APOBEC3F: variants seen among roughly 807,000 people sequenced by gnomAD.
APOBEC3F encodes the protein apolipoprotein B mRNA editing enzyme catalytic subunit 3F, also known as DNA dC->dU-editing enzyme APOBEC-3F.
Under a neutral mutation model 45.8 loss-of-function variants are expected in APOBEC3F, and 34 were observed. The ratio of observed to expected loss-of-function variants is 0.74; its 90% CI spans 0.57 to 0.99. The LOEUF (loss-of-function observed/expected upper bound fraction) is 0.99, where lower values mean the gene tolerates loss of function less well. APOBEC3F is among the 50% of genes least tolerant of loss of function. APOBEC3F has a pLI of 0.00. For missense variants in APOBEC3F, 459 were observed against 474.1 expected (o/e 0.97, Z 0.30); for synonymous variants, 192 against 174.4 (o/e 1.10, Z -0.80).
At position 39,045,000 on chromosome 22, in the gene APOBEC3F, C is replaced by A. The variant is rs139293827; in HGVS notation, c.231C>A (p.Asn77Lys). The stretch of plus-strand genomic sequence containing the variant: ...GCTTCCTCTCTTGGTTCTGTGGCAA[C>A]CAGCTGCCTGCTTACAAGTGTTTCC... ...EMCFLSWFCGNQLPAYKCFQI... is the reference protein window; with the variant it reads ...EMCFLSWFCGKQLPAYKCFQI... The change falls in exon 3 of 7, where the codon AAC (asparagine) becomes AAA (lysine). Residue 77 changes from asparagine (N) to lysine (K), a missense_variant. Transcript: ENST00000308521. 7.6e-4 allele frequency: 1,225 copies of A among 1,614,034 alleles called. 24 individuals are homozygous for A. The South Asian group carries it at 0.013, about 17-fold the overall frequency.
rs565931497 is a variant in APOBEC3F at position 39,052,141 on chromosome 22, C to G, written c.791C>G (p.Ser264Cys). The G allele has an allele frequency of 2.7e-5, 43 of 1,614,008 alleles. No individual in the cohort carries two copies. The Admixed American group carries it at 6.8e-4, about 26-fold the overall frequency. ...FLSWFCDDIL[S>C]PNTNYEVTWY... ...TCTTGGTTCTGTGACGACATACTGT[C>G]TCCTAACACAAACTACGAGGTCACC... Residue 264 changes from serine to cysteine, a missense_variant, in exon 6 of 7, where the codon TCT (serine) becomes TGT (cysteine). Coordinates refer to ENST00000308521, the MANE Select transcript of APOBEC3F (RefSeq NM_145298.6).
chr22:39,051,992 C>G, intron 5 of APOBEC3F, 82 bp from the exon 6 acceptor site: 4 of 1,564,708 alleles, frequency 2.6e-6, no homozygotes, highest in Non-Finnish European at 3.5e-6. Flanking sequence ...TCCAGGCCCG[C>G]CCTCTGCTCC....
At position 39,053,763 on chromosome 22, in the gene APOBEC3F, C is replaced by G. The variant is rs1403690063; in HGVS notation, c.*1068C>G. Reference sequence around the variant, plus strand: ...CATGTCCTACGCAGCTAAAACAGAGCCCAGGAGCCAGGGAGGAAAAGCAGT... The same window carrying G: ...CATGTCCTACGCAGCTAAAACAGAGGCCAGGAGCCAGGGAGGAAAAGCAGT... On this transcript the variant is annotated 3_prime_UTR_variant, in exon 7 of 7. Coordinates refer to ENST00000308521, the MANE Select transcript of APOBEC3F (RefSeq NM_145298.6). The G allele has an allele frequency of 2.0e-5, 3 of 152,172 alleles. No individual in the cohort carries two copies. The East Asian group carries it at 5.8e-4, about 29-fold the overall frequency. The allele number at this position is 152,172 out of a possible 1,614,324, so 9.4% of individuals were successfully genotyped here.
At chr22:39,050,928 A>G (rs1341062849) in intron 5 of APOBEC3F, among the ~76,000 whole-genome samples, 2 of 152,148 alleles carry the variant, frequency 1.3e-5, no homozygotes, top group African/African-American at 4.8e-5. Flanking sequence ...ATGAGACAGG[A>G]AAAGACTCAA....
In APOBEC3F at chr22:39,052,241, G is replaced by A; in HGVS notation, c.891G>A (p.Val297=). The A allele has an allele frequency of 6.2e-7, 1 of 1,614,208 alleles. No individual in the cohort carries two copies. The highest frequency in any genetic ancestry group is 8.5e-7 in the Non-Finnish European group (1 of 1,180,038). ...AGTTCCTGGCCAGGCACAGCAACGT[G>A]AATCTCACCATCTTCACCGCCCGCC... ...VAEFLARHSN[V]NLTIFTARLY... is the part of the protein sequence containing the mutation. The change falls in exon 6 of 7, where the codon GTG becomes GTA. Residue 297 remains valine, a synonymous_variant. Transcript: ENST00000308521.
Position 39,041,719 on chromosome 22 carries a change from C to T in APOBEC3F, c.17+742C>T, listed in dbSNP as rs202044370. On this transcript the variant is annotated intron_variant, in intron 1 of 6. Transcript: ENST00000308521. ...TCTCTACTAAAAATACAAAATTAGC[C>T]GGGTGTGGTGGCGGGCGCCTATAAT... 1.7e-4 allele frequency among the ~76,000 whole-genome samples: 26 copies of T among 151,874 alleles called. No individual in the cohort carries two copies. In the East Asian group the frequency reaches 2.7e-3, roughly 16 times the overall value.
Position 39,045,207 on chromosome 22 carries a change from T to G in APOBEC3F, c.438T>G (p.Ile146Met), listed in dbSNP as rs145828319. 1 of 1,611,682 alleles carries G rather than the reference T, an allele frequency of 6.2e-7. No individual in the cohort carries two copies. Among genetic ancestry groups the G allele is most frequent in the Non-Finnish European group, 8.5e-7 (1 of 1,179,614 alleles). The change falls in exon 3 of 7, where the codon ATT becomes ATG. Residue 146 changes from isoleucine (I) to methionine (M), a missense_variant. Transcript: ENST00000308521. ...GTCAGGCAGGGGCCCGCGTGAAGAT[T>G]ATGGACGATGAAGGTGAGAGGTGGA... is the stretch of plus-strand genomic sequence containing the variant. Reference protein sequence around the residue: ...RLSQAGARVKIMDDEEFAYCW... With the variant: ...RLSQAGARVKMMDDEEFAYCW...
chr22:39,050,555 A>T (rs934010955), intron 5 of APOBEC3F, among the ~76,000 whole-genome samples: 1 of 149,996 alleles, frequency 6.7e-6, no homozygotes, highest in African/African-American at 2.5e-5. Flanking sequence ...GGCGACAAGA[A>T]CTTGTGGAAG....
intron 1 of APOBEC3F, among the ~76,000 whole-genome samples, chr22:39,042,243 T>G (rs1273997037): frequency 6.6e-6 from 1 of 152,010 alleles, no homozygotes; most frequent in Non-Finnish European, 1.5e-5. Context: ...AGAGGTGAAA[T>G]GTCAGAAGGA....
At chr22:39,044,104 G>A (rs1297392625) in intron 2 of APOBEC3F, 1 of 1,553,932 alleles carries the variant, frequency 6.4e-7, no homozygotes. Flanking sequence ...TTTCATCAGA[G>A]CCCCATTTCA....
chr22:39,046,590 C>G (rs542456803), intron 4 of APOBEC3F, among the ~76,000 whole-genome samples: 71 of 152,146 alleles, frequency 4.7e-4, no homozygotes, highest in African/African-American at 1.7e-3. Context: ...CAAACAAACA[C>G]TCAGTGATCA....
rs1927662814 is a variant in APOBEC3F, at chr22:39,055,568, C to G, written c.*2873C>G. On this transcript the variant is annotated 3_prime_UTR_variant, in exon 7 of 7. Coordinates refer to ENST00000308521, the MANE Select transcript of APOBEC3F (RefSeq NM_145298.6). ...ATTTTTTAGTAGAGATGGGGTTTCA[C>G]TGAGGAAGGAGACCACCTCTCTCAT... 6.6e-6 allele frequency among the ~76,000 whole-genome samples: 1 copy of G among 152,102 alleles called. No individual in the cohort carries two copies. The highest frequency in any genetic ancestry group is 2.4e-5 in the African/African-American group (1 of 41,406).
In APOBEC3F at chr22:39,045,079, G is replaced by T. The variant is rs761498735; in HGVS notation, c.310G>T (p.Ala104Ser). 1.2e-6 allele frequency: 2 copies of T among 1,613,770 alleles called. No individual in the cohort carries two copies. Among genetic ancestry groups the T allele is most frequent in the South Asian group, 2.2e-5 (2 of 91,066 alleles). ...CTGCCCGGACTGTGTGGCGAAGCTG[G>T]CCGAATTCCTGGCTGAGCACCCCAA... The part of the protein sequence containing the change: ...TPCPDCVAKL[A>S]EFLAEHPNVT... The change falls in exon 3 of 7, where the codon GCC (alanine) becomes TCC (serine). Residue 104 changes from alanine (A) to serine (S), a missense_variant. Transcript: ENST00000308521.
chr22:39,051,761 G>T (rs1927497725), intron 5 of APOBEC3F, among the ~76,000 whole-genome samples: 1 of 151,724 alleles, frequency 6.6e-6, no homozygotes, highest in Non-Finnish European at 1.5e-5. Flanking sequence ...AGATCAGCCT[G>T]AGCAACATGG....
chr22:39,042,129 C>T (rs568107377), intron 1 of APOBEC3F, among the ~76,000 whole-genome samples: 3 of 152,154 alleles, frequency 2.0e-5, no homozygotes, highest in Admixed American at 1.3e-4. Flanking sequence ...ATGGCCCGTG[C>T]GGGCCTAGGG....
At position 39,040,969 on chromosome 22, in the gene APOBEC3F, T is replaced by C. The variant is rs558573375; in HGVS notation, c.9T>C (p.Pro3=). The change falls in exon 1 of 7, where the codon CCT becomes CCC. Residue 3 remains proline (P), a synonymous_variant. Coordinates refer to ENST00000308521, the MANE Select transcript of APOBEC3F (RefSeq NM_145298.6). MK[P]HFRNTVERMY... ...GGACTAGCCGGCCAAGGATGAAGCC[T>C]CACTTCAGGTACCGCTGCCCGCTCT... The C allele has an allele frequency of 4.4e-6, 7 of 1,584,054 alleles. No individual in the cohort carries two copies. The African/African-American group carries it at 9.4e-5, about 21-fold the overall frequency.
At chr22:39,048,900 A>C (rs1927345857) in intron 4 of APOBEC3F, among the ~76,000 whole-genome samples, 1 of 151,498 alleles carries the variant, frequency 6.6e-6, no homozygotes, top group Admixed American at 6.6e-5. Context: ...CAGGAGAATC[A>C]CTTCAACCCG....
chr22:39,046,374 T>C (rs1410754275), intron 4 of APOBEC3F, among the ~76,000 whole-genome samples: 1 of 152,090 alleles, frequency 6.6e-6, no homozygotes, highest in Non-Finnish European at 1.5e-5. Flanking sequence ...GGGTCAAGCT[T>C]GCGTGGGGCA....
chr22:39,054,105 C>G lies in APOBEC3F; in HGVS notation c.*1410C>G, dbSNP rs573486505. ...TCGGCTCACTGCAACCTCTGCCTCC[C>G]TTGTTCAAGTGATTCTCCTGTCTCA... On this transcript the variant is annotated 3_prime_UTR_variant, in exon 7 of 7. Coordinates refer to ENST00000308521, the MANE Select transcript of APOBEC3F (RefSeq NM_145298.6). Among the ~76,000 whole-genome samples the G allele has an allele frequency of 9.0e-3, 1,376 of 152,048 alleles. 25 individuals carry two copies. The highest frequency in any genetic ancestry group is 0.031 in the African/African-American group (1,296 of 41,468).
Sources: allele counts gnomAD v4.1 joint callset (sites outside exome capture counted in the v4.1 genomes callset), GRCh38; gene constraint gnomAD v4.1.1; transcripts MANE v1.5; gene names NCBI Gene and HGNC (gene_info 2026-07-23, HGNC 2026-07-21).